CPNE4: variants seen among roughly 807,000 people sequenced by gnomAD.
The protein encoded by CPNE4 is copine 4, also known as copine-4.
A neutral mutation model predicts 67.9 loss-of-function variants in CPNE4; 25 were observed. That is an observed-to-expected ratio of 0.37 (90% CI 0.27 to 0.51). The LOEUF (loss-of-function observed/expected upper bound fraction) is 0.51. Ranked by LOEUF, CPNE4 falls within the 20% of genes least tolerant of loss-of-function variation. CPNE4 has a pLI of 0.93. For missense variants in CPNE4, 464 were observed against 690.8 expected (o/e 0.67, Z 3.68); for synonymous variants, 242 against 244.9 (o/e 0.99, Z 0.11).
At chr3:131,761,932 A>G (rs1161774331) in intron 2 of CPNE4, among the ~76,000 whole-genome samples, 1 of 152,084 alleles carries the variant, frequency 6.6e-6, no homozygotes, top group African/African-American at 2.4e-5. Flanking sequence ...CCTTTTTGAG[A>G]GGAGGTAAAT....
At chr3:132,023,016 A>G (rs144101147) in intron 1 of CPNE4, among the ~76,000 whole-genome samples, 31 of 152,362 alleles carry the variant, frequency 2.0e-4, no homozygotes, top group African/African-American at 6.5e-4. Flanking sequence ...TAAAGCATTC[A>G]GAGTCAGCCA....
rs1234259044 is a variant in CPNE4 at position 131,812,794 on chromosome 3, G to A, written c.181-89169C>T. Reference sequence around the variant, plus strand: ...TGGAAGAGTTAGTGCTGCAAAATACGTACAGTGTTGTGGGGAGCAGGGAGA... The same window carrying A: ...TGGAAGAGTTAGTGCTGCAAAATACATACAGTGTTGTGGGGAGCAGGGAGA... On this transcript the variant is annotated intron_variant, in intron 2 of 15. Coordinates refer to ENST00000429747, the MANE Select transcript of CPNE4 (RefSeq NM_130808.3). Among the ~76,000 whole-genome samples, 7 of 152,142 alleles carry A rather than the reference G, an allele frequency of 4.6e-5. No individual in the cohort carries two copies. In the South Asian group the frequency reaches 1.2e-3, roughly 27 times the overall value.
At chr3:132,033,889 C>T (rs2074293192) in intron 1 of CPNE4, among the ~76,000 whole-genome samples, 1 of 152,210 alleles carries the variant, frequency 6.6e-6, no homozygotes, top group Admixed American at 6.5e-5. Flanking sequence ...TCAGCTGTGG[C>T]TTGGTTTCAG....
intron 2 of CPNE4, among the ~76,000 whole-genome samples, chr3:131,858,286 A>G (rs1017711145): frequency 6.6e-6 from 1 of 152,130 alleles, no homozygotes; most frequent in Non-Finnish European, 1.5e-5. Flanking sequence ...CAACAGATCC[A>G]TTAATGAAAA....
intron 7 of CPNE4, 79 bp downstream of exon 7, chr3:131,669,596 T>C: frequency 1.7e-6 from 2 of 1,205,250 alleles, no homozygotes; most frequent in Non-Finnish European, 2.4e-6. Context: ...TTGGGGTTTG[T>C]CAATATTATT....
intron 2 of CPNE4, among the ~76,000 whole-genome samples, chr3:131,837,232 A>G (rs1380071472): frequency 6.6e-6 from 1 of 152,150 alleles, no homozygotes; most frequent in Non-Finnish European, 1.5e-5. Flanking sequence ...CACTAGAAAA[A>G]TGAAAATGTA....
At chr3:132,000,053 CA>C (rs10566178) in intron 1 of CPNE4, among the ~76,000 whole-genome samples, 97,958 of 148,660 alleles carry the variant, frequency 0.66, 32,633 homozygotes, top group Non-Finnish European at 0.73. Context: ...AGGAAATAGG[CA>C]AAAAAAAAAA....
At chr3:131,720,688 T>G (rs1042761617) in intron 3 of CPNE4, among the ~76,000 whole-genome samples, 7 of 152,206 alleles carry the variant, frequency 4.6e-5, no homozygotes, top group Admixed American at 1.3e-4. Flanking sequence ...TGCATTACAC[T>G]GCTCTCAGAA....
chr3:131,641,842 C>T (rs1043161858), intron 7 of CPNE4, among the ~76,000 whole-genome samples: 2 of 152,146 alleles, frequency 1.3e-5, no homozygotes, highest in East Asian at 1.9e-4. Context: ...AGGAACAAAA[C>T]ATTGGCATTC....
chr3:131,735,142 C>T (rs2082206469), intron 2 of CPNE4, among the ~76,000 whole-genome samples: 1 of 152,112 alleles, frequency 6.6e-6, no homozygotes, highest in Non-Finnish European at 1.5e-5. Context: ...AAGGCCTTTC[C>T]CTCACAACAT....
At chr3:131,752,147 C>T (rs1560239978) in intron 2 of CPNE4, among the ~76,000 whole-genome samples, 4 of 152,118 alleles carry the variant, frequency 2.6e-5, no homozygotes, top group Non-Finnish European at 5.9e-5. Flanking sequence ...GAGCTTTTAC[C>T]AGCCAGTGGG....
chr3:131,601,421 G>A (rs1334863324), intron 7 of CPNE4, among the ~76,000 whole-genome samples: 1 of 152,142 alleles, frequency 6.6e-6, no homozygotes, highest in Non-Finnish European at 1.5e-5. Flanking sequence ...TAATAGTGAT[G>A]CAGTGGAGGT....
intron 1 of CPNE4, among the ~76,000 whole-genome samples, chr3:131,953,828 GA>G (rs1288364415): frequency 2.0e-4 from 30 of 152,126 alleles, no homozygotes; most frequent in Non-Finnish European, 3.4e-4. Flanking sequence ...ACGTTTGATA[GA>G]AAAGTAGAAT....
intron 7 of CPNE4, among the ~76,000 whole-genome samples, chr3:131,600,170 A>T (rs1939123827): frequency 6.6e-6 from 1 of 152,130 alleles, no homozygotes; most frequent in Admixed American, 6.6e-5. Flanking sequence ...AACAGCAAAG[A>T]GAGGAAATGG....
At chr3:131,819,650 C>T (rs1323660907) in intron 2 of CPNE4, among the ~76,000 whole-genome samples, 1 of 152,152 alleles carries the variant, frequency 6.6e-6, no homozygotes, top group Admixed American at 6.5e-5. Context: ...TCCATAGCAA[C>T]CACGGTTGCC....
intron 5 of CPNE4, among the ~76,000 whole-genome samples, chr3:131,694,295 T>C (rs2081100737): frequency 6.6e-6 from 1 of 152,178 alleles, no homozygotes; most frequent in Admixed American, 6.5e-5. Flanking sequence ...AGTTATAAAA[T>C]TGTTTAATGC....
intron 2 of CPNE4, among the ~76,000 whole-genome samples, chr3:131,883,228 A>G (rs946770900): frequency 2.0e-5 from 3 of 152,178 alleles, no homozygotes; most frequent in Admixed American, 6.5e-5. Flanking sequence ...TGGTAGAATT[A>G]TTGATGCAAC....
At chr3:131,565,543 GA>G (rs1323735416) in intron 10 of CPNE4, among the ~76,000 whole-genome samples, 2 of 151,898 alleles carry the variant, frequency 1.3e-5, no homozygotes, top group Non-Finnish European at 2.9e-5. Flanking sequence ...AGTTGATGGG[GA>G]AAAAAATGTT....
intron 3 of CPNE4, among the ~76,000 whole-genome samples, chr3:131,713,611 G>A (rs548768316): frequency 2.6e-4 from 39 of 152,270 alleles, no homozygotes; most frequent in Non-Finnish European, 4.9e-4. Flanking sequence ...ATATCACAGA[G>A]AGGTTAAGCA....
Sources: allele counts gnomAD v4.1 joint callset (sites outside exome capture counted in the v4.1 genomes callset), GRCh38; gene constraint gnomAD v4.1.1; transcripts MANE v1.5; gene names NCBI Gene and HGNC (gene_info 2026-07-23, HGNC 2026-07-21).